The following NKAIN3 variants were observed in gnomAD, a reference collection of about 807,000 sequenced individuals.
NKAIN3 encodes sodium/potassium-transporting ATPase subunit beta-1-interacting protein 3.
In NKAIN3, 25 loss-of-function variants were observed where a neutral mutation model predicts 30.2. The observed-to-expected ratio is 0.83, with a 90% CI of 0.60 to 1.16. The LOEUF (loss-of-function observed/expected upper bound fraction) is 1.16. Ranked by LOEUF, NKAIN3 falls within the 50% of genes most tolerant of loss-of-function variation. The pLI, the probability that NKAIN3 is intolerant of heterozygous loss-of-function variation, is 0.00. For missense variants in NKAIN3, 225 were observed against 254.1 expected, an observed-to-expected ratio of 0.89 and a Z score of 0.78; for synonymous variants, 91 against 89.6, an observed-to-expected ratio of 1.02 and a Z score of -0.09.
intron 1 of NKAIN3, among the ~76,000 whole-genome samples, chr8:62,262,264 C>G (rs80165847): frequency 1.0e-3 from 154 of 152,152 alleles, no homozygotes; most frequent in African/African-American, 3.6e-3. Flanking sequence ...TTTTTGGAAT[C>G]CCTCAGGAGG....
intron 1 of NKAIN3, among the ~76,000 whole-genome samples, chr8:62,260,639 A>G (rs1294032584): frequency 6.6e-6 from 1 of 152,064 alleles, no homozygotes; most frequent in African/African-American, 2.4e-5. Context: ...TTATATCTGG[A>G]TGGTGAACGG....
chr8:62,779,097 C>T (rs1817275183), intron 4 of NKAIN3, among the ~76,000 whole-genome samples: 1 of 152,002 alleles, frequency 6.6e-6, no homozygotes, highest in Admixed American at 6.6e-5. Context: ...AAGAGAACCT[C>T]CTCTTTACTC....
At chr8:62,317,925 C>A (rs545858679) in intron 1 of NKAIN3, among the ~76,000 whole-genome samples, 30 of 152,232 alleles carry the variant, frequency 2.0e-4, no homozygotes, top group African/African-American at 7.0e-4. Flanking sequence ...AATATTCTTC[C>A]ATTTGTTTGT....
At chr8:62,988,108 A>G (rs1422759008), downstream of NKAIN3, among the ~76,000 whole-genome samples, 1 of 152,222 alleles carries the variant, frequency 6.6e-6, no homozygotes, top group East Asian at 1.9e-4. Flanking sequence ...CGTCCAGGTC[A>G]CAGTGATGCA....
chr8:62,476,956 T>C (rs1469189448), intron 1 of NKAIN3, among the ~76,000 whole-genome samples: 1 of 152,126 alleles, frequency 6.6e-6, no homozygotes, highest in Non-Finnish European at 1.5e-5. Flanking sequence ...GGAAGAATGC[T>C]GTGACTTCAG....
rs1252392596 is a variant in NKAIN3, at chr8:62,473,732, AC to A, written c.55-105806del. ...ATATACATTATGTGGCAATTTTTGA[AC>A]ATCTCAGTCTTTCCTTAATAGCCTA... On this transcript the variant is annotated intron_variant, in intron 1 of 6. Transcript: ENST00000623646. Among the ~76,000 whole-genome samples the A allele has an allele frequency of 3.9e-5, 6 of 152,150 alleles. No individual in the cohort carries two copies. The South Asian group carries it at 1.2e-3, about 32-fold the overall frequency.
chr8:62,711,320 C>G (rs1226485515), intron 3 of NKAIN3, among the ~76,000 whole-genome samples: 1 of 152,148 alleles, frequency 6.6e-6, no homozygotes, highest in Non-Finnish European at 1.5e-5. Flanking sequence ...GATTATTCCC[C>G]CAAATATGTT....
At chr8:62,934,976 G>A (rs1179711792) in intron 5 of NKAIN3, among the ~76,000 whole-genome samples, 1 of 152,136 alleles carries the variant, frequency 6.6e-6, no homozygotes. Flanking sequence ...ACTTCCACAT[G>A]ACACTCAAAT....
At chr8:62,723,802 C>CTT (rs1563532268) in intron 3 of NKAIN3, among the ~76,000 whole-genome samples, 5 of 152,024 alleles carry the variant, frequency 3.3e-5, no homozygotes, top group African/African-American at 1.2e-4. Context: ...ATCTGACACA[C>CTT]TTTAAAAGTA....
intron 3 of NKAIN3, among the ~76,000 whole-genome samples, chr8:62,621,393 A>G (rs939653510): frequency 5.3e-5 from 8 of 152,100 alleles, no homozygotes; most frequent in Non-Finnish European, 2.9e-5. Context: ...TGAAAAATAC[A>G]TTTAATTGTT....
chr8:62,653,761 C>T (rs970066937), intron 3 of NKAIN3, among the ~76,000 whole-genome samples: 13 of 152,114 alleles, frequency 8.5e-5, no homozygotes, highest in African/African-American at 2.7e-4. Context: ...AAGGGTCCAT[C>T]AGCCCTACTG....
intron 4 of NKAIN3, among the ~76,000 whole-genome samples, chr8:62,781,372 T>A (rs1366574823): frequency 1.3e-5 from 2 of 151,640 alleles, no homozygotes; most frequent in Admixed American, 1.3e-4. Flanking sequence ...ACAGATTCGA[T>A]GCAATCTTTA....
chr8:62,299,886 T>C (rs2129587872), intron 1 of NKAIN3, among the ~76,000 whole-genome samples: 1 of 152,300 alleles, frequency 6.6e-6, no homozygotes, highest in South Asian at 2.1e-4. Flanking sequence ...TTTCCTGGCA[T>C]AGTTTTAGTT....
intron 1 of NKAIN3, among the ~76,000 whole-genome samples, chr8:62,285,352 G>A (rs745499636): frequency 2.6e-4 from 39 of 152,160 alleles, no homozygotes; most frequent in Admixed American, 4.6e-4. Flanking sequence ...CAGAAATAGC[G>A]TCTGCTTTAT....
chr8:62,504,510 A>T (rs967545180), intron 1 of NKAIN3, among the ~76,000 whole-genome samples: 1 of 151,978 alleles, frequency 6.6e-6, no homozygotes, highest in South Asian at 2.1e-4. Flanking sequence ...TGGTCATGTC[A>T]TGTAGATTCT....
intron 4 of NKAIN3, among the ~76,000 whole-genome samples, chr8:62,898,706 C>A (rs1381338074): frequency 5.3e-5 from 8 of 152,044 alleles, no homozygotes; most frequent in Admixed American, 1.3e-4. Flanking sequence ...CAAGCACAGG[C>A]AAACAAAGCA....
intron 1 of NKAIN3, among the ~76,000 whole-genome samples, chr8:62,575,233 C>G (rs1810073110): frequency 6.6e-6 from 1 of 151,896 alleles, no homozygotes; most frequent in Admixed American, 6.6e-5. Context: ...AAAGACTCCA[C>G]CAAAAATATA....
At chr8:62,785,672 G>T (rs917640348) in intron 4 of NKAIN3, among the ~76,000 whole-genome samples, 4 of 152,028 alleles carry the variant, frequency 2.6e-5, no homozygotes, top group Admixed American at 1.3e-4. Flanking sequence ...CAAGATTAGC[G>T]AACATCCAGA....
At chr8:62,671,681 A>C (rs1813310706) in intron 3 of NKAIN3, among the ~76,000 whole-genome samples, 1 of 152,142 alleles carries the variant, frequency 6.6e-6, no homozygotes, top group African/African-American at 2.4e-5. Context: ...TGTGTGTCAC[A>C]CATGAGTCAG....
Sources: allele counts gnomAD v4.1 joint callset (sites outside exome capture counted in the v4.1 genomes callset), GRCh38; gene constraint gnomAD v4.1.1; transcripts MANE v1.5; gene names NCBI Gene and HGNC (gene_info 2026-07-23, HGNC 2026-07-21).